The following SLC24A3 variants were observed in gnomAD, a reference collection of about 807,000 sequenced individuals.
The protein encoded by SLC24A3 is sodium/potassium/calcium exchanger 3.
A neutral mutation model predicts 75.8 loss-of-function variants in SLC24A3; 28 were observed. The observed-to-expected ratio is 0.37, with a 90% CI of 0.27 to 0.51. The LOEUF (loss-of-function observed/expected upper bound fraction) is 0.51. SLC24A3 is among the 20% of genes least tolerant of loss of function. The probability of loss-of-function intolerance (pLI) is 0.94; values close to 1 mark genes in which losing one functional copy is unlikely to be tolerated. For missense variants in SLC24A3, 663 were observed against 847.8 expected, an observed-to-expected ratio of 0.78 and a Z score of 2.71; for synonymous variants, 372 against 334.1, an observed-to-expected ratio of 1.11 and a Z score of -1.24.
intron 1 of SLC24A3, among the ~76,000 whole-genome samples, chr20:19,233,914 A>G (rs1449969812): frequency 1.3e-5 from 2 of 152,160 alleles, no homozygotes; most frequent in African/African-American, 4.8e-5. Context: ...TTGTCTTTAT[A>G]TTGGTAACAC....
At position 19,464,341 on chromosome 20, in the gene SLC24A3, C is replaced by T. The variant is rs746933357; in HGVS notation, c.272-51147C>T. ...GAGGCTCTCAGTTCAAGAGCACATG[C>T]GTGCATATTAATGCATTCATACCAC... On this transcript the variant is annotated intron_variant, in intron 2 of 16. Coordinates refer to ENST00000328041, the MANE Select transcript of SLC24A3 (RefSeq NM_020689.4). 3.9e-5 allele frequency among the ~76,000 whole-genome samples: 6 copies of T among 152,182 alleles called. No homozygotes were observed. The East Asian group carries it at 5.8e-4, about 15-fold the overall frequency.
chr20:19,668,617 A>G (rs1461096956), intron 8 of SLC24A3, among the ~76,000 whole-genome samples: 1 of 152,226 alleles, frequency 6.6e-6, no homozygotes, highest in Non-Finnish European at 1.5e-5. Flanking sequence ...AAATACAAAT[A>G]CACCAGGACA....
At chr20:19,459,194 AT>A (rs1987629519) in intron 2 of SLC24A3, among the ~76,000 whole-genome samples, 1 of 152,200 alleles carries the variant, frequency 6.6e-6, no homozygotes, top group Non-Finnish European at 1.5e-5. Flanking sequence ...TCAATGGAAA[AT>A]ATATACATAC....
intron 1 of SLC24A3, among the ~76,000 whole-genome samples, chr20:19,279,555 G>C (rs1181382415): frequency 1.3e-5 from 2 of 152,074 alleles, no homozygotes; most frequent in African/African-American, 4.8e-5. Context: ...TGCTTTCCTT[G>C]CTCTTTTCCT....
At chr20:19,430,181 G>C (rs574613216) in intron 2 of SLC24A3, among the ~76,000 whole-genome samples, 1 of 152,266 alleles carries the variant, frequency 6.6e-6, no homozygotes, top group South Asian at 2.1e-4. Context: ...GCCACCTTTA[G>C]GGTTTGACTC....
chr20:19,330,541 T>C (rs1215235445), intron 2 of SLC24A3, among the ~76,000 whole-genome samples: 1 of 152,156 alleles, frequency 6.6e-6, no homozygotes, highest in African/African-American at 2.4e-5. Flanking sequence ...GAAATAAGAA[T>C]CCATGATTTC....
At chr20:19,704,423 A>T (rs548379145) in intron 15 of SLC24A3, among the ~76,000 whole-genome samples, 1 of 152,316 alleles carries the variant, frequency 6.6e-6, no homozygotes, top group African/African-American at 2.4e-5. Flanking sequence ...AGGGCTTATT[A>T]TGCACCCACT....
intron 15 of SLC24A3, among the ~76,000 whole-genome samples, chr20:19,703,311 C>T (rs944728771): frequency 2.0e-5 from 3 of 152,176 alleles, no homozygotes; most frequent in African/African-American, 7.2e-5. Context: ...GGCCCATCCA[C>T]GTTCTTCCTT....
At chr20:19,295,486 G>T (rs1168768805) in intron 2 of SLC24A3, among the ~76,000 whole-genome samples, 1 of 152,104 alleles carries the variant, frequency 6.6e-6, no homozygotes, top group Non-Finnish European at 1.5e-5. Flanking sequence ...TATTGGCTGT[G>T]GGTTTGTCAT....
intron 2 of SLC24A3, among the ~76,000 whole-genome samples, chr20:19,377,624 A>G (rs1405718670): frequency 1.3e-5 from 2 of 152,246 alleles, no homozygotes; most frequent in African/African-American, 4.8e-5. Flanking sequence ...ATGCACGCTT[A>G]AAATCTGTGC....
At chr20:19,283,648 G>A (rs538084836) in intron 2 of SLC24A3, among the ~76,000 whole-genome samples, 29 of 152,150 alleles carry the variant, frequency 1.9e-4, no homozygotes, top group Non-Finnish European at 3.2e-4. Flanking sequence ...TCTCTACCCC[G>A]GGTCTTAGAG....
At chr20:19,592,742 T>TC (rs1227300592) in intron 6 of SLC24A3, among the ~76,000 whole-genome samples, 2 of 152,002 alleles carry the variant, frequency 1.3e-5, no homozygotes, top group African/African-American at 4.8e-5. Context: ...GAAGGAATAT[T>TC]CACCTTCTGA....
intron 3 of SLC24A3, among the ~76,000 whole-genome samples, chr20:19,538,459 A>C (rs2122584440): frequency 6.6e-6 from 1 of 152,330 alleles, no homozygotes; most frequent in Admixed American, 6.5e-5. Context: ...TTTAATGAAA[A>C]AAGCAAAAAG....
chr20:19,645,120 G>A (rs2032121027), intron 6 of SLC24A3, among the ~76,000 whole-genome samples: 1 of 152,072 alleles, frequency 6.6e-6, no homozygotes, highest in South Asian at 2.1e-4. Context: ...AAATTTACTG[G>A]CTCTTGTTAA....
intron 2 of SLC24A3, among the ~76,000 whole-genome samples, chr20:19,356,852 T>TTGATAATAATAATAATAA (rs1555789480): frequency 6.7e-6 from 1 of 149,818 alleles, no homozygotes; most frequent in African/African-American, 2.5e-5. Context: ...AGACTTTGCA[T>TTGATAATAATAATAATAA]TAATAATAAT....
chr20:19,428,069 T>A (rs562859803), intron 2 of SLC24A3, among the ~76,000 whole-genome samples: 3 of 152,230 alleles, frequency 2.0e-5, no homozygotes, highest in Non-Finnish European at 2.9e-5. Context: ...TTTGGACTTA[T>A]TTCAGTGCAG....
At chr20:19,518,831 A>T (rs1250601618) in intron 3 of SLC24A3, among the ~76,000 whole-genome samples, 1 of 152,230 alleles carries the variant, frequency 6.6e-6, no homozygotes, top group African/African-American at 2.4e-5. Context: ...CAGGCAGGAC[A>T]TAGAAAAAGG....
intron 2 of SLC24A3, among the ~76,000 whole-genome samples, chr20:19,302,773 A>G (rs983821781): frequency 2.6e-5 from 4 of 152,210 alleles, no homozygotes; most frequent in African/African-American, 9.7e-5. Flanking sequence ...TGTATACTCT[A>G]CTTCATTTAA....
intron 2 of SLC24A3, among the ~76,000 whole-genome samples, chr20:19,355,769 G>C (rs928286707): frequency 6.6e-6 from 1 of 152,172 alleles, no homozygotes; most frequent in Non-Finnish European, 1.5e-5. Context: ...AATAACTCCT[G>C]TCAGTTTGAA....
Sources: allele counts gnomAD v4.1 joint callset (sites outside exome capture counted in the v4.1 genomes callset), GRCh38; gene constraint gnomAD v4.1.1; transcripts MANE v1.5; gene names NCBI Gene and HGNC (gene_info 2026-07-23, HGNC 2026-07-21).